The following NUP98 variants were observed in gnomAD, a reference collection of about 807,000 sequenced individuals.
The protein encoded by NUP98 is nuclear pore complex protein Nup98-Nup96.
A neutral mutation model predicts 191.9 loss-of-function variants in NUP98; 26 were observed. The ratio of observed to expected loss-of-function variants is 0.14; its 90% CI spans 0.10 to 0.19. The LOEUF is 0.19. Ranked by LOEUF, NUP98 falls within the 10% of genes least tolerant of loss-of-function variation. NUP98 has a pLI of 1.00. For synonymous variants in NUP98, 808 were observed against 778.4 expected, an observed-to-expected ratio of 1.04 and a Z score of -0.63; for missense variants, 1,941 against 2,178.8, an observed-to-expected ratio of 0.89 and a Z score of 2.17.
chr11:3,733,840 A>G (rs1019215991), intron 13 of NUP98, among the ~76,000 whole-genome samples: 1 of 152,202 alleles, frequency 6.6e-6, no homozygotes, highest in Non-Finnish European at 1.5e-5. Context: ...ACCTTAATAA[A>G]TTCTTGTTTA....
chr11:3,747,736 A>G (rs542156224), intron 11 of NUP98, among the ~76,000 whole-genome samples: 2 of 152,356 alleles, frequency 1.3e-5, no homozygotes, highest in South Asian at 4.1e-4. Context: ...CACTGAAAAT[A>G]AGAAGCTGCA....
intron 1 of NUP98, among the ~76,000 whole-genome samples, chr11:3,793,580 C>T (rs548566714): frequency 3.3e-5 from 5 of 152,082 alleles, no homozygotes; most frequent in South Asian, 2.1e-4. Flanking sequence ...CCACCACACC[C>T]GGCCAGCTAC....
At position 3,753,401 on chromosome 11, in the gene NUP98, G is replaced by A; in HGVS notation, c.1182C>T (p.Gly394=). ...AAATACTATTCCCACTGGTATTTGTGCCAAAACCTAGGAAGACAAAAGAAT... is the reference window on the plus strand; with the variant it reads ...AAATACTATTCCCACTGGTATTTGTACCAAAACCTAGGAAGACAAAAGAAT... ...GTTSGGLFGF[G]TNTSGNSIFG... The change falls in exon 11 of 33, where the codon GGC becomes GGT. Residue 394 remains glycine, a synonymous_variant. Transcript: ENST00000324932. 3.1e-6 allele frequency: 5 copies of A among 1,612,868 alleles called. No homozygotes were observed. Among genetic ancestry groups the A allele is most frequent in the Non-Finnish European group, 4.2e-6 (5 of 1,179,116 alleles).
At chr11:3,752,157 G>A (rs1406754218) in intron 11 of NUP98, among the ~76,000 whole-genome samples, 3 of 149,958 alleles carry the variant, frequency 2.0e-5, no homozygotes, top group Non-Finnish European at 3.0e-5. Context: ...AAAAAAAAAG[G>A]GAAATTGAAA....
At chr11:3,760,925 A>G (rs2081143302) in intron 9 of NUP98, among the ~76,000 whole-genome samples, 1 of 152,240 alleles carries the variant, frequency 6.6e-6, no homozygotes, top group South Asian at 2.1e-4. Context: ...AAAAATAACA[A>G]GGCCATCAAA....
At chr11:3,737,834 T>C (rs1473539307) in intron 12 of NUP98, among the ~76,000 whole-genome samples, 2 of 151,852 alleles carry the variant, frequency 1.3e-5, no homozygotes, top group Non-Finnish European at 2.9e-5. Flanking sequence ...TCATCTGTAT[T>C]CAGAAAGTTC....
At chr11:3,676,860 C>A in intron 31 of NUP98, 1 of 602,630 alleles carries the variant, frequency 1.7e-6, no homozygotes, top group Non-Finnish European at 3.0e-6. Context: ...CTTGAGATCC[C>A]GAACTATACA....
intron 14 of NUP98, among the ~76,000 whole-genome samples, chr11:3,730,615 C>T (rs1166617360): frequency 2.0e-5 from 3 of 152,154 alleles, no homozygotes; most frequent in Admixed American, 1.3e-4. Context: ...CCACCCACCT[C>T]GGCCAGCCAA....
chr11:3,732,043 C>T (rs932553619), intron 13 of NUP98, among the ~76,000 whole-genome samples: 1 of 152,144 alleles, frequency 6.6e-6, no homozygotes, highest in Non-Finnish European at 1.5e-5. Flanking sequence ...TTCCAGCCCC[C>T]ATTTAAAATT....
chr11:3,758,384 G>A (rs2081051531), intron 10 of NUP98, among the ~76,000 whole-genome samples: 1 of 151,894 alleles, frequency 6.6e-6, no homozygotes, highest in Non-Finnish European at 1.5e-5. Flanking sequence ...ACTTAAAAAT[G>A]AAAAAATAGT....
intron 20 of NUP98, among the ~76,000 whole-genome samples, chr11:3,708,673 T>C (rs940760522): frequency 2.0e-5 from 3 of 151,240 alleles, no homozygotes; most frequent in African/African-American, 7.3e-5. Context: ...CCTGGATATC[T>C]TGGCAGATCA....
At chr11:3,695,405 A>T (rs1564813359) in intron 26 of NUP98, 44 bp downstream of exon 26, 10 of 1,432,758 alleles carry the variant, frequency 7.0e-6, no homozygotes, top group Non-Finnish European at 7.4e-6. Flanking sequence ...GCTTCAATTT[A>T]TGAAAAAACC....
At chr11:3,767,523 G>A (rs1011168345) in intron 8 of NUP98, among the ~76,000 whole-genome samples, 6 of 150,814 alleles carry the variant, frequency 4.0e-5, no homozygotes, top group African/African-American at 1.2e-4. Context: ...GCAGAGACGG[G>A]GTTTCACCAT....
intron 1 of NUP98, among the ~76,000 whole-genome samples, chr11:3,794,785 T>C (rs1005334486): frequency 6.6e-6 from 1 of 152,150 alleles, no homozygotes; most frequent in Admixed American, 6.6e-5. Context: ...GCCTAATTTT[T>C]GTATTTTTCG....
intron 10 of NUP98, among the ~76,000 whole-genome samples, chr11:3,756,543 C>T: frequency 6.6e-6 from 1 of 152,142 alleles, no homozygotes; most frequent in East Asian, 1.9e-4. Flanking sequence ...CTGCCTCAGC[C>T]TCCCGAGTAG....
intron 12 of NUP98, among the ~76,000 whole-genome samples, chr11:3,741,298 C>G (rs891991573): frequency 6.7e-6 from 1 of 150,052 alleles, no homozygotes; most frequent in Non-Finnish European, 1.5e-5. Flanking sequence ...AAAAAACTTT[C>G]AGAGAACAAG....
chr11:3,753,994 A>G (rs1185543818), intron 10 of NUP98, among the ~76,000 whole-genome samples: 1 of 151,936 alleles, frequency 6.6e-6, no homozygotes, highest in East Asian at 1.9e-4. Flanking sequence ...TATCAATTCA[A>G]TATAGGATAA....
At chr11:3,694,919 A>T (rs555835492) in intron 26 of NUP98, among the ~76,000 whole-genome samples, 36 of 144,160 alleles carry the variant, frequency 2.5e-4, no homozygotes, top group Non-Finnish European at 4.6e-4. Context: ...AAATATAAAT[A>T]AAAAAAATCA....
In NUP98 at chr11:3,712,665, T is replaced by G; in HGVS notation, c.2641A>C (p.Lys881Gln). 2 of 1,613,536 alleles carry G rather than the reference T, an allele frequency of 1.2e-6. No homozygotes were observed. The highest frequency in any genetic ancestry group is 1.7e-6 in the Non-Finnish European group (2 of 1,180,000). Reference protein sequence around the residue: ...SDEEEEEHPSKTSTKKLKTAP... With the variant: ...SDEEEEEHPSQTSTKKLKTAP... ...GTCTTCAACTTCTTTGTACTAGTTTTAGACGGATGCTCCTCCTCCTCTTCA... is the reference window on the plus strand; with the variant it reads ...GTCTTCAACTTCTTTGTACTAGTTTGAGACGGATGCTCCTCCTCCTCTTCA... Residue 881 changes from lysine (K) to glutamine (Q), a missense_variant, in exon 20 of 33, where the codon AAA (lysine) becomes CAA (glutamine). Physicochemically the swap from Lys to Gln is moderately conservative, Grantham distance 53. Transcript: ENST00000324932.
Sources: allele counts gnomAD v4.1 joint callset (sites outside exome capture counted in the v4.1 genomes callset), GRCh38; gene constraint gnomAD v4.1.1; transcripts MANE v1.5; gene names NCBI Gene and HGNC (gene_info 2026-07-23, HGNC 2026-07-21).